The following CDC37L1 variants were observed in gnomAD, a reference collection of about 807,000 sequenced individuals.
The protein encoded by CDC37L1 is hsp90 co-chaperone Cdc37-like 1.
A neutral mutation model predicts 45.9 loss-of-function variants in CDC37L1; 32 were observed. The observed-to-expected ratio is 0.70, with a 90% CI of 0.53 to 0.94. The LOEUF (loss-of-function observed/expected upper bound fraction) is 0.94. Among genes scored for constraint, CDC37L1 ranks in the 40% least tolerant of loss-of-function variants. CDC37L1 has a pLI of 0.00. For synonymous variants in CDC37L1, 150 were observed against 133.0 expected (o/e 1.13, Z -0.88); for missense variants, 434 against 405.7 (o/e 1.07, Z -0.60).
intron 4 of CDC37L1, 84 bp from the exon 5 acceptor site, chr9:4,697,673 A>G (rs992487254): frequency 3.0e-6 from 2 of 671,290 alleles, no homozygotes; most frequent in South Asian, 2.0e-5. Flanking sequence ...AATCAAAAGT[A>G]TTTTAAAAAT....
chr9:4,682,329 A>ATTTTTTTT (rs1313029477), intron 1 of CDC37L1, among the ~76,000 whole-genome samples: 1 of 92,856 alleles, frequency 1.1e-5, no homozygotes, highest in Non-Finnish European at 1.9e-5. Context: ...TGCCCAGCTA[A>ATTTTTTTT]TTTTTTTTTT....
Position 4,702,972 on chromosome 9 carries a change from C to G in CDC37L1, c.912+944C>G, listed in dbSNP as rs1841413598. ...TCAAAAAGGAGACATGATCAGACCA[C>G]TGGTCTGCCTGATGCTAGTTAGGAT... is the stretch of plus-strand genomic sequence containing the variant. On this transcript the variant is annotated intron_variant, in intron 6 of 6. Transcript: ENST00000381854. 1.7e-5 allele frequency: 16 copies of G among 927,758 alleles called. No homozygotes were observed. In the South Asian group the frequency reaches 4.4e-4, roughly 26 times the overall value. The allele number at this position is 927,758 out of a possible 1,614,324, so 57.5% of individuals were successfully genotyped here.
intron 5 of CDC37L1, among the ~76,000 whole-genome samples, chr9:4,700,496 C>A (rs1841387157): frequency 6.6e-6 from 1 of 152,140 alleles, no homozygotes; most frequent in South Asian, 2.1e-4. Flanking sequence ...AACATACTTT[C>A]CTTTTTATCT....
At chr9:4,692,134 A>G in intron 3 of CDC37L1, among the ~76,000 whole-genome samples, 1 of 152,230 alleles carries the variant, frequency 6.6e-6, no homozygotes. Context: ...TGTTCTGACT[A>G]TGAATATTTA....
At chr9:4,688,629 CT>C (rs1563768604) in intron 3 of CDC37L1, 23 bp downstream of exon 3, 1 of 1,391,998 alleles carries the variant, frequency 7.2e-7, no homozygotes, top group African/African-American at 1.5e-5. Context: ...CTTGGATTTC[CT>C]TCTTTGTAAT....
intron 4 of CDC37L1, 66 bp downstream of exon 4, chr9:4,697,277 T>TATA: frequency 2.6e-6 from 2 of 755,528 alleles, no homozygotes; most frequent in South Asian, 3.1e-5. Context: ...ACTTTATTGA[T>TATA]GTTTTGTTTT....
intron 3 of CDC37L1, among the ~76,000 whole-genome samples, chr9:4,696,845 T>G (rs1220680200): frequency 6.6e-6 from 1 of 152,240 alleles, no homozygotes; most frequent in African/African-American, 2.4e-5. Context: ...CTGGCCTGAT[T>G]AATTATCTGA....
At chr9:4,692,415 G>A (rs1388995626) in intron 3 of CDC37L1, among the ~76,000 whole-genome samples, 2 of 151,906 alleles carry the variant, frequency 1.3e-5, no homozygotes, top group Admixed American at 6.6e-5. Flanking sequence ...GATTACAGGC[G>A]CCTGCTACCA....
At chr9:4,684,021 C>T (rs190813487) in intron 1 of CDC37L1, among the ~76,000 whole-genome samples, 1 of 152,348 alleles carries the variant, frequency 6.6e-6, no homozygotes, top group East Asian at 1.9e-4. Flanking sequence ...CGCAGTGGCT[C>T]ATGCCTGTAA....
chr9:4,699,582 G>C (rs1841379391), intron 5 of CDC37L1, among the ~76,000 whole-genome samples: 2 of 152,010 alleles, frequency 1.3e-5, no homozygotes, highest in South Asian at 4.1e-4. Context: ...TTTTTATAAA[G>C]TATTTTTTTA....
rs1475721767 is a variant in CDC37L1, at chr9:4,679,835, A to C, written c.68A>C (p.Glu23Ala). ...CGGGCCGAGGGTGAGGCTGAGGAAG[A>C]GAGTGACTTCGACGTGTTCCCCAGT... ...LPRAEGEAEE[E>A]SDFDVFPSSP... The change falls in exon 1 of 7, where the codon GAG (glutamate) becomes GCG (alanine). Residue 23 changes from glutamate to alanine, a missense_variant. Physicochemically the swap from Glu to Ala is moderately radical, Grantham distance 107. Coordinates refer to ENST00000381854, the MANE Select transcript of CDC37L1 (RefSeq NM_017913.4). 6.2e-7 allele frequency: 1 copy of C among 1,613,986 alleles called. No homozygotes were observed. The highest frequency in any genetic ancestry group is 1.1e-5 in the South Asian group (1 of 91,086).
At position 4,689,281 on chromosome 9, in the gene CDC37L1, A is replaced by G. The variant is rs541657009; in HGVS notation, c.508+675A>G. On this transcript the variant is annotated intron_variant, in intron 3 of 6. Coordinates refer to ENST00000381854, the MANE Select transcript of CDC37L1 (RefSeq NM_017913.4). Reference sequence around the variant, plus strand: ...TTATAGGCAGCATGATACCGCTGGCATGAAAATGCTGCTGGGAAGTGTTAG... The same window carrying G: ...TTATAGGCAGCATGATACCGCTGGCGTGAAAATGCTGCTGGGAAGTGTTAG... Among the ~76,000 whole-genome samples the G allele has an allele frequency of 3.3e-5, 5 of 152,258 alleles. No individual in the cohort carries two copies. In the South Asian group the frequency reaches 1.0e-3, roughly 32 times the overall value.
rs1426808609 is a variant in CDC37L1, at chr9:4,697,721, T to C, written c.625-36T>C. The C allele has an allele frequency of 1.4e-5, 14 of 1,001,862 alleles. 1 individual carries two copies. The South Asian group carries it at 2.2e-4, about 16-fold the overall frequency. 62.1% of individuals were successfully genotyped at this position (1,001,862 alleles called of 1,614,324 possible). On this transcript the variant is annotated intron_variant, in intron 4 of 6. Coordinates refer to ENST00000381854, the MANE Select transcript of CDC37L1 (RefSeq NM_017913.4). ...TCAGTATGCCAATTAAATATATTTA[T>C]ATATTTGTTTCTTATATCATTTAAA...
At chr9:4,680,249 A>G (rs1841177937) in intron 1 of CDC37L1, among the ~76,000 whole-genome samples, 1 of 152,150 alleles carries the variant, frequency 6.6e-6, no homozygotes. Flanking sequence ...CTCTTGTGAG[A>G]GGTTTTCCCC....
In CDC37L1 at chr9:4,701,853, G is replaced by GT; in HGVS notation, c.748-5dup. ...GAACACAGTCTTTGTTTTTTTTTTTGTTTTTTCTAGGCAGAGGAAGAAGGT... is the reference window on the plus strand; with the variant it reads ...GAACACAGTCTTTGTTTTTTTTTTTGTTTTTTTCTAGGCAGAGGAAGAAGGT... On this transcript the variant is annotated splice_polypyrimidine_tract_variant and intron_variant, in intron 5 of 6. Coordinates refer to ENST00000381854, the MANE Select transcript of CDC37L1 (RefSeq NM_017913.4). The GT allele has an allele frequency of 2.0e-6, 3 of 1,492,656 alleles. No homozygotes were observed. The highest frequency in any genetic ancestry group is 1.2e-5 in the South Asian group (1 of 82,160). 92.5% of individuals were successfully genotyped at this position (1,492,656 alleles called of 1,614,324 possible).
chr9:4,684,879 G>T lies in CDC37L1; in HGVS notation c.135G>T (p.Met45Ile), dbSNP rs763116240. 3.1e-6 allele frequency: 5 copies of T among 1,607,792 alleles called. No homozygotes were observed. The East Asian group carries it at 8.9e-5, about 29-fold the overall frequency. ...TTACAAATATTGTTTTTATCCAGATGTATAGCCATGGAATTGAATTGGCTT... is the reference window on the plus strand; with the variant it reads ...TTACAAATATTGTTTTTATCCAGATTTATAGCCATGGAATTGAATTGGCTT... Reference protein sequence around the residue: ...CPQLPGGGAQMYSHGIELACQ... With the variant: ...CPQLPGGGAQIYSHGIELACQ... The change falls in exon 2 of 7, where the codon ATG becomes ATT. Residue 45 changes from methionine to isoleucine, a missense_variant and splice_region_variant. By Grantham distance (10) the Met-to-Ile change is conservative. Transcript: ENST00000381854.
intron 1 of CDC37L1, among the ~76,000 whole-genome samples, chr9:4,683,036 T>C (rs904949788): frequency 4.9e-5 from 7 of 144,176 alleles, no homozygotes; most frequent in Admixed American, 2.8e-4. Flanking sequence ...TATATTTATA[T>C]ATAAAATATA....
chr9:4,681,726 G>T (rs1841195981), intron 1 of CDC37L1, among the ~76,000 whole-genome samples: 1 of 152,070 alleles, frequency 6.6e-6, no homozygotes, highest in Admixed American at 6.6e-5. Context: ...CTGGCTTTAA[G>T]ACTTAAATTT....
intron 6 of CDC37L1, among the ~76,000 whole-genome samples, chr9:4,705,513 C>T (rs1046463199): frequency 6.6e-6 from 1 of 152,144 alleles, no homozygotes; most frequent in Non-Finnish European, 1.5e-5. Flanking sequence ...ACAGATTTCT[C>T]ACTGAGTTTG....
Sources: allele counts gnomAD v4.1 joint callset (sites outside exome capture counted in the v4.1 genomes callset), GRCh38; gene constraint gnomAD v4.1.1; transcripts MANE v1.5; gene names NCBI Gene and HGNC (gene_info 2026-07-23, HGNC 2026-07-21).